Variants in KLHL4 observed in about 807,000 individuals in gnomAD.
KLHL4 encodes the protein kelch-like protein 4.
KLHL4 carries 17 observed loss-of-function variants against 45.8 expected under a neutral mutation model. The ratio of observed to expected loss-of-function variants is 0.37; its 90% CI spans 0.25 to 0.56. KLHL4 has a LOEUF of 0.56. Among genes scored for constraint, KLHL4 ranks in the 20% least tolerant of loss-of-function variants. The pLI is 0.79. For missense variants in KLHL4, 544 were observed against 544.9 expected (o/e 1.00, Z 0.02); for synonymous variants, 224 against 189.9 (o/e 1.18, Z -1.47).
intron 9 of KLHL4, among the ~76,000 whole-genome samples, chrX:87,642,058 G>A (rs1308953540): frequency 2.7e-5 from 3 of 110,466 alleles, no homozygotes; most frequent in Non-Finnish European, 5.7e-5. Context: ...TTTCTGGAAA[G>A]TGCCACCTCC....
At chrX:87,660,871 CAAAA>C (rs1924165348) in intron 9 of KLHL4, among the ~76,000 whole-genome samples, 1 of 111,678 alleles carries the variant, frequency 9.0e-6, no homozygotes, top group Non-Finnish European at 1.9e-5. Context: ...AACAAACAAA[CAAAA>C]AACTGCATCG....
In KLHL4 at chrX:87,664,920, A is replaced by C; in HGVS notation, c.2082A>C (p.Arg694Ser). 8.8e-7 allele frequency: 1 copy of C among 1,142,854 alleles called. No homozygotes were observed. The allele number at this position is 1,142,854 out of a possible 1,213,427, so 94.2% of individuals were successfully genotyped here. A position where few individuals can be genotyped will look rare whatever the true frequency, so the allele number is the denominator to read the frequency against. The change falls in exon 10 of 11, where the codon AGA (arginine) becomes AGC (serine). Residue 694 changes from arginine (R) to serine (S), a missense_variant. Physicochemically the swap from Arg to Ser is moderately radical, Grantham distance 110. Transcript: ENST00000373119. ...LNTVESYDAQ[R>S]NEWKEEVPVN... is the part of the protein sequence containing the mutation. ...CAGTTGAGTCATATGATGCACAGAG[A>C]AATGAATGGAAAGAGGTATTCGAAT...
chrX:87,612,366 T>A (rs1463788072), intron 1 of KLHL4, among the ~76,000 whole-genome samples: 1 of 112,002 alleles, frequency 8.9e-6, no homozygotes, highest in East Asian at 2.8e-4. Flanking sequence ...AAATACTTAC[T>A]ATTGTGCTAT....
chrX:87,665,005 G>A (rs1404955372), intron 10 of KLHL4, 70 bp downstream of exon 10: 13 of 687,859 alleles, frequency 1.9e-5, no homozygotes, highest in Non-Finnish European at 2.1e-6. Flanking sequence ...TTATATTTTT[G>A]AAATTAGTTG....
rs921159086 is a variant in KLHL4 at position 87,587,327 on chromosome X, C to T, written c.423-26550C>T. On this transcript the variant is annotated intron_variant, in intron 1 of 10. Coordinates refer to ENST00000373119, the MANE Select transcript of KLHL4 (RefSeq NM_019117.5). Reference sequence around the variant, plus strand: ...GTATTATCCTGATACCAAAAGCCAACAAAAACAGATCAATAAAAAGGAAAG... The same window carrying T: ...GTATTATCCTGATACCAAAAGCCAATAAAAACAGATCAATAAAAAGGAAAG... 2.7e-5 allele frequency among the ~76,000 whole-genome samples: 3 copies of T among 109,812 alleles called. No individual in the cohort carries two copies. The East Asian group carries it at 8.6e-4, about 31-fold the overall frequency.
intron 9 of KLHL4, among the ~76,000 whole-genome samples, chrX:87,639,492 T>C (rs1009733876): frequency 6.3e-5 from 7 of 111,277 alleles, no homozygotes; most frequent in African/African-American, 2.0e-4. Flanking sequence ...TTTAAGAAAA[T>C]TGAAATTTTA....
intron 6 of KLHL4, among the ~76,000 whole-genome samples, chrX:87,628,339 T>C (rs1569356885): frequency 9.2e-6 from 1 of 108,393 alleles, no homozygotes; most frequent in African/African-American, 3.4e-5. Flanking sequence ...AACAAAACTC[T>C]TTGGGGTTTT....
At chrX:87,555,836 G>C (rs1352383001) in intron 1 of KLHL4, among the ~76,000 whole-genome samples, 1 of 109,888 alleles carries the variant, frequency 9.1e-6, no homozygotes, top group Non-Finnish European at 1.9e-5. Context: ...GATCTTTCCT[G>C]CTTTCTCTTG....
At chrX:87,573,504 A>G (rs1282903432) in intron 1 of KLHL4, among the ~76,000 whole-genome samples, 3 of 111,389 alleles carry the variant, frequency 2.7e-5, no homozygotes, top group Admixed American at 1.9e-4. Context: ...AGGTGATATG[A>G]GATAGAGAAT....
intron 1 of KLHL4, among the ~76,000 whole-genome samples, chrX:87,554,750 C>G (rs1276742925): frequency 9.6e-6 from 1 of 103,718 alleles, no homozygotes; most frequent in Non-Finnish European, 2.0e-5. Flanking sequence ...ACTTCCAACA[C>G]TATGTTGAAT....
chrX:87,532,969 G>A (rs1931332822), intron 1 of KLHL4, among the ~76,000 whole-genome samples: 1 of 107,781 alleles, frequency 9.3e-6, no homozygotes, highest in Non-Finnish European at 1.9e-5. Flanking sequence ...ACCATCACTG[G>A]CCATCAGAGA....
intron 9 of KLHL4, among the ~76,000 whole-genome samples, chrX:87,663,166 A>C (rs1366321588): frequency 9.0e-6 from 1 of 110,559 alleles, no homozygotes; most frequent in Non-Finnish European, 1.9e-5. Context: ...GAGGCAAATA[A>C]ATCAAGCAAA....
intron 6 of KLHL4, among the ~76,000 whole-genome samples, chrX:87,631,287 A>G (rs1414520959): frequency 2.7e-5 from 3 of 111,722 alleles, no homozygotes; most frequent in Non-Finnish European, 5.6e-5. Flanking sequence ...TGCAGCTGCC[A>G]TCATTCCCCT....
At chrX:87,528,442 C>A (rs996047937) in intron 1 of KLHL4, among the ~76,000 whole-genome samples, 1 of 110,542 alleles carries the variant, frequency 9.0e-6, no homozygotes, top group Non-Finnish European at 1.9e-5. Flanking sequence ...CCAGGCTGTG[C>A]GCCATGGCTA....
At chrX:87,575,615 C>G (rs772887458) in intron 1 of KLHL4, among the ~76,000 whole-genome samples, 6 of 111,291 alleles carry the variant, frequency 5.4e-5, no homozygotes, top group Non-Finnish European at 1.1e-4. Flanking sequence ...GTAGATTTTC[C>G]AAGATGGTCA....
intron 9 of KLHL4, among the ~76,000 whole-genome samples, chrX:87,656,167 A>G (rs1282086433): frequency 2.7e-5 from 3 of 109,832 alleles, no homozygotes; most frequent in Non-Finnish European, 3.8e-5. Flanking sequence ...TGTCTTGGTG[A>G]GATTCTTCTT....
At chrX:87,551,897 T>A (rs974666820) in intron 1 of KLHL4, among the ~76,000 whole-genome samples, 13 of 111,607 alleles carry the variant, frequency 1.2e-4, no homozygotes, top group African/African-American at 3.9e-4. Context: ...TCTACAAAAA[T>A]CAACTCAAGA....
At chrX:87,626,106 G>A (rs1359816012) in intron 6 of KLHL4, among the ~76,000 whole-genome samples, 2 of 111,989 alleles carry the variant, frequency 1.8e-5, no homozygotes, top group African/African-American at 6.5e-5. Flanking sequence ...GAAAGTATGT[G>A]AGACAGGTCT....
At chrX:87,534,401 T>C (rs1291419106) in intron 1 of KLHL4, among the ~76,000 whole-genome samples, 1 of 111,330 alleles carries the variant, frequency 9.0e-6, no homozygotes, top group Non-Finnish European at 1.9e-5. Context: ...CTTTATTAAC[T>C]CCTGACAGCC....
Sources: gnomAD v4.1 joint callset for allele counts (sites outside exome capture counted in the v4.1 genomes callset) on GRCh38, gnomAD v4.1.1 for gene constraint, MANE v1.5 for transcripts, NCBI Gene and HGNC (gene_info 2026-07-23, HGNC 2026-07-21) for gene names.